The following PITPNB variants were observed in gnomAD, a reference collection of about 807,000 sequenced individuals.
PITPNB encodes phosphatidylinositol transfer protein beta.
In PITPNB, 16 loss-of-function variants were observed where a neutral mutation model predicts 45.9. That is an observed-to-expected ratio of 0.35 (90% CI 0.24 to 0.53). The LOEUF (loss-of-function observed/expected upper bound fraction) is 0.53, where lower values mean the gene tolerates loss of function less well. PITPNB is among the 20% of genes least tolerant of loss of function. The pLI is 0.93. For synonymous variants in PITPNB, 112 were observed against 108.9 expected, an observed-to-expected ratio of 1.03 and a Z score of -0.18; for missense variants, 188 against 330.5, an observed-to-expected ratio of 0.57 and a Z score of 3.34.
At chr22:27,916,319 GTAT>G (rs1936073405) in intron 1 of PITPNB, among the ~76,000 whole-genome samples, 1 of 152,188 alleles carries the variant, frequency 6.6e-6, no homozygotes, top group Non-Finnish European at 1.5e-5. Flanking sequence ...TCTAAAAGCA[GTAT>G]TCAACTTTCA....
chr22:27,904,758 A>C (rs772156768), intron 3 of PITPNB, among the ~76,000 whole-genome samples: 1 of 152,224 alleles, frequency 6.6e-6, no homozygotes, highest in Non-Finnish European at 1.5e-5. Flanking sequence ...GAAAGAAAGA[A>C]AAGAAGATAC....
At chr22:27,869,443 A>C (rs549360089) in intron 8 of PITPNB, among the ~76,000 whole-genome samples, 1 of 152,290 alleles carries the variant, frequency 6.6e-6, no homozygotes, top group South Asian at 2.1e-4. Context: ...TAGCAACCTC[A>C]TCATCCCCTG....
chr22:27,862,802 A>G (rs1268421601), intron 8 of PITPNB, among the ~76,000 whole-genome samples: 1 of 152,204 alleles, frequency 6.6e-6, no homozygotes, highest in African/African-American at 2.4e-5. Context: ...TATGTAAATA[A>G]TGCTGCCCTT....
chr22:27,889,370 CAG>C (rs1337414696), intron 7 of PITPNB, among the ~76,000 whole-genome samples: 1 of 152,110 alleles, frequency 6.6e-6, no homozygotes, highest in Non-Finnish European at 1.5e-5. Context: ...CACTACATTT[CAG>C]ACAGTGTTAT....
At chr22:27,899,935 G>C (rs1056367275) in intron 3 of PITPNB, among the ~76,000 whole-genome samples, 34 of 151,694 alleles carry the variant, frequency 2.2e-4, no homozygotes, top group African/African-American at 8.2e-4. Flanking sequence ...AGGCGTGGTG[G>C]CTCACGCCTC....
intron 7 of PITPNB, among the ~76,000 whole-genome samples, chr22:27,877,418 C>T (rs755475980): frequency 1.8e-4 from 27 of 152,260 alleles, no homozygotes; most frequent in Admixed American, 4.6e-4. Context: ...GGATAGCCTT[C>T]GGAGAACAAA....
intron 3 of PITPNB, among the ~76,000 whole-genome samples, chr22:27,905,036 G>GT (rs1221265613): frequency 6.6e-6 from 1 of 152,224 alleles, no homozygotes; most frequent in African/African-American, 2.4e-5. Flanking sequence ...GGAAAACTCT[G>GT]AACTGTGAAA....
In PITPNB at chr22:27,894,508, T is replaced by G. The variant is rs548437134; in HGVS notation, c.456+47A>C. The stretch of plus-strand genomic sequence containing the variant: ...CCAAATGTGATAGTAGAAAATAATT[T>G]TTAACTGTAAAAGGGAACAGATTAA... On this transcript the variant is annotated intron_variant, in intron 7 of 11. Coordinates refer to ENST00000335272, the MANE Select transcript of PITPNB (RefSeq NM_012399.5). 7.9e-5 allele frequency: 81 copies of G among 1,030,650 alleles called. 1 individual carries two copies. In the South Asian group the frequency reaches 1.0e-3, roughly 13 times the overall value. The allele number at this position is 1,030,650 out of a possible 1,614,324, so 63.8% of individuals were successfully genotyped here.
intron 3 of PITPNB, among the ~76,000 whole-genome samples, chr22:27,902,570 A>G (rs1241736266): frequency 6.6e-6 from 1 of 152,234 alleles, no homozygotes; most frequent in African/African-American, 2.4e-5. Context: ...AAAGACTTAA[A>G]TAAAAACTAA....
chr22:27,909,950 C>CTTT (rs544649700), intron 3 of PITPNB, among the ~76,000 whole-genome samples: 6 of 130,308 alleles, frequency 4.6e-5, no homozygotes, highest in East Asian at 2.2e-4. Flanking sequence ...CCACTAATTT[C>CTTT]TTTTTTTTTT....
chr22:27,893,733 G>C (rs566180892), intron 7 of PITPNB, among the ~76,000 whole-genome samples: 1 of 151,852 alleles, frequency 6.6e-6, no homozygotes, highest in East Asian at 1.9e-4. Context: ...TGGAATTACA[G>C]GCACATGCCA....
chr22:27,911,556 T>TTGC (rs1935923196), intron 2 of PITPNB, among the ~76,000 whole-genome samples: 1 of 152,214 alleles, frequency 6.6e-6, no homozygotes, highest in Admixed American at 6.5e-5. Context: ...AACCAGCATA[T>TTGC]TGCTCTTAAT....
intron 6 of PITPNB, 119 bp downstream of exon 6, chr22:27,896,433 A>T (rs967398838): frequency 2.7e-6 from 2 of 733,326 alleles, no homozygotes; most frequent in African/African-American, 1.8e-5. Flanking sequence ...TCTCAATTTG[A>T]CACAGCTTGG....
chr22:27,867,905 G>A (rs1451574735), intron 8 of PITPNB, among the ~76,000 whole-genome samples: 1 of 151,460 alleles, frequency 6.6e-6, no homozygotes, highest in Non-Finnish European at 1.5e-5. Context: ...GCTTTTTTTT[G>A]GTATCTTCTG....
intron 7 of PITPNB, among the ~76,000 whole-genome samples, chr22:27,874,701 A>G (rs993634407): frequency 1.5e-4 from 23 of 152,386 alleles, no homozygotes; most frequent in African/African-American, 5.3e-4. Flanking sequence ...GCCCAGATTA[A>G]TAACAATAAG....
At chr22:27,880,890 G>C (rs1445698411) in intron 7 of PITPNB, among the ~76,000 whole-genome samples, 1 of 152,164 alleles carries the variant, frequency 6.6e-6, no homozygotes, top group East Asian at 1.9e-4. Context: ...CAAACTGCTG[G>C]GATTACAGGC....
At chr22:27,902,567 TAAATA>T (rs1935630738) in intron 3 of PITPNB, among the ~76,000 whole-genome samples, 1 of 152,116 alleles carries the variant, frequency 6.6e-6, no homozygotes, top group African/African-American at 2.4e-5. Flanking sequence ...GATAAAGACT[TAAATA>T]AAAACTAAAA....
chr22:27,902,220 A>AG (rs1365083880), intron 3 of PITPNB, among the ~76,000 whole-genome samples: 1 of 152,142 alleles, frequency 6.6e-6, no homozygotes, highest in Non-Finnish European at 1.5e-5. Flanking sequence ...GTACGGAGGC[A>AG]GGGAACAGAA....
chr22:27,913,086 A>G (rs931456273), intron 2 of PITPNB, among the ~76,000 whole-genome samples: 1 of 152,034 alleles, frequency 6.6e-6, no homozygotes, highest in African/African-American at 2.4e-5. Context: ...CGACAAGCTG[A>G]TTCAACCAGC....
Sources: gnomAD v4.1 joint callset for allele counts (sites outside exome capture counted in the v4.1 genomes callset) on GRCh38, gnomAD v4.1.1 for gene constraint, MANE v1.5 for transcripts, NCBI Gene and HGNC (gene_info 2026-07-23, HGNC 2026-07-21) for gene names.